Variants in ORC5 observed in about 807,000 individuals in gnomAD.
ORC5 encodes the protein protein phosphatase 1, regulatory subunit 117.
In ORC5, 39 loss-of-function variants were observed where a neutral mutation model predicts 58.8. That is an observed-to-expected ratio of 0.66 (90% CI 0.51 to 0.87). ORC5 has a LOEUF of 0.87. Among genes scored for constraint, ORC5 ranks in the 40% least tolerant of loss-of-function variants. The probability of loss-of-function intolerance (pLI) is 0.00; values close to 1 mark genes in which losing one functional copy is unlikely to be tolerated. For missense variants in ORC5, 493 were observed against 506.3 expected (o/e 0.97, Z 0.25); for synonymous variants, 218 against 177.6 (o/e 1.23, Z -1.81).
chr7:104,173,572 T>C (rs1369629974), intron 8 of ORC5, among the ~76,000 whole-genome samples: 1 of 152,158 alleles, frequency 6.6e-6, no homozygotes, highest in Non-Finnish European at 1.5e-5. Context: ...CTGGTGAGCC[T>C]CCTGCTTTTT....
chr7:104,188,199 C>T, intron 6 of ORC5, 52 bp downstream of exon 6: 3 of 1,162,206 alleles, frequency 2.6e-6, no homozygotes, highest in Admixed American at 1.8e-5. Context: ...TATGTATACA[C>T]ACACACACAC....
rs536796588 is a variant in ORC5 at position 104,157,401 on chromosome 7, T to C, written c.1149+3671A>G. ...TATTAAATTCACCTAAATTCATGTA[T>C]AGCAATACTTTAAATATACAAATTT... is the stretch of plus-strand genomic sequence containing the variant. On this transcript the variant is annotated intron_variant, in intron 12 of 13. Coordinates refer to ENST00000297431, the MANE Select transcript of ORC5 (RefSeq NM_002553.4). 1.7e-3 allele frequency among the ~76,000 whole-genome samples: 266 copies of C among 152,206 alleles called. 1 individual carries two copies. The highest frequency in any genetic ancestry group is 6.0e-3 in the African/African-American group (251 of 41,572).
intron 13 of ORC5, among the ~76,000 whole-genome samples, chr7:104,134,133 A>C (rs554003540): frequency 1.3e-5 from 2 of 152,244 alleles, no homozygotes; most frequent in African/African-American, 4.8e-5. Context: ...TCAAGAATTT[A>C]GGTGGAGGCT....
In ORC5 at chr7:104,129,070, A is replaced by G. The variant is rs148667741; in HGVS notation, c.1263-2177T>C. On this transcript the variant is annotated intron_variant, in intron 13 of 13. Transcript: ENST00000297431. This position sits in a 1 kb window ranked among gnomAD's most constrained non-coding sequence, Gnocchi z 4.9. ...ATATACCAGCAATATTAAGGGAGAA[A>G]GGGAGAAGAAATAATTGCAAGTAAG... Among the ~76,000 whole-genome samples, 2,112 of 152,266 alleles carry G rather than the reference A, an allele frequency of 0.014. 26 individuals carry two copies. The highest frequency in any genetic ancestry group is 0.054 in the Middle Eastern group (16 of 294).
chr7:104,192,929 C>T (rs1276973720), intron 5 of ORC5, among the ~76,000 whole-genome samples: 1 of 146,834 alleles, frequency 6.8e-6, no homozygotes, highest in African/African-American at 2.5e-5. Flanking sequence ...CCAAATAAAA[C>T]ACACACACAC....
At chr7:104,206,294 C>G (rs1022755966) in intron 1 of ORC5, among the ~76,000 whole-genome samples, 12 of 152,202 alleles carry the variant, frequency 7.9e-5, no homozygotes, top group African/African-American at 2.9e-4. Context: ...TTTTATATTT[C>G]TTTGCTATAG....
intron 10 of ORC5, among the ~76,000 whole-genome samples, chr7:104,166,564 C>T (rs908696378): frequency 2.6e-5 from 4 of 152,126 alleles, no homozygotes; most frequent in Non-Finnish European, 5.9e-5. Flanking sequence ...TAAGGTATAC[C>T]TGATATCCTC....
intron 12 of ORC5, among the ~76,000 whole-genome samples, chr7:104,145,806 C>A (rs142649183): frequency 6.6e-6 from 1 of 152,150 alleles, no homozygotes; most frequent in African/African-American, 2.4e-5. Context: ...CACCCAAGAG[C>A]GAAAGGTGAA....
intron 8 of ORC5, among the ~76,000 whole-genome samples, chr7:104,173,896 G>A (rs1043869411): frequency 7.0e-6 from 1 of 142,486 alleles, no homozygotes; most frequent in Non-Finnish European, 1.5e-5. Context: ...CCAGGCTGGA[G>A]TGCAGTGGCG....
intron 8 of ORC5, 115 bp from the exon 9 acceptor site, chr7:104,168,640 G>T: frequency 5.9e-6 from 3 of 507,594 alleles, no homozygotes; most frequent in East Asian, 6.1e-5. Context: ...AAACAGAAAA[G>T]AAAAATATAT....
intron 1 of ORC5, among the ~76,000 whole-genome samples, chr7:104,207,001 G>T (rs1584532420): frequency 1.3e-5 from 2 of 152,160 alleles, no homozygotes; most frequent in East Asian, 3.9e-4. Flanking sequence ...CATTTCTCAG[G>T]ACGTATCCCC....
chr7:104,135,091 A>C (rs903594483), intron 13 of ORC5, among the ~76,000 whole-genome samples: 1 of 152,164 alleles, frequency 6.6e-6, no homozygotes, highest in Non-Finnish European at 1.5e-5. Context: ...ACGTCAAATT[A>C]AGTCAGATTC....
intron 11 of ORC5, among the ~76,000 whole-genome samples, chr7:104,164,510 G>T (rs1057185047): frequency 6.6e-6 from 1 of 152,166 alleles, no homozygotes; most frequent in Non-Finnish European, 1.5e-5. Context: ...GTAGGCTTTG[G>T]AGTCAGGAAG....
intron 12 of ORC5, among the ~76,000 whole-genome samples, chr7:104,150,351 A>G (rs949073428): frequency 2.0e-5 from 3 of 152,172 alleles, no homozygotes; most frequent in African/African-American, 4.8e-5. Context: ...ATTTCAGTGT[A>G]TGAGTTCCAC....
At chr7:104,177,165 T>A (rs1402801932) in intron 8 of ORC5, among the ~76,000 whole-genome samples, 2 of 152,238 alleles carry the variant, frequency 1.3e-5, no homozygotes, top group African/African-American at 4.8e-5. Flanking sequence ...AATCTACTTA[T>A]ACTTGTTAAA....
rs146686726 is a variant in ORC5 at position 104,194,628 on chromosome 7, A to G, written c.553+515T>C. 4.5e-3 allele frequency among the ~76,000 whole-genome samples: 689 copies of G among 152,288 alleles called. 3 individuals carry two copies. Among genetic ancestry groups the G allele is most frequent in the Non-Finnish European group, 8.3e-3 (564 of 67,990 alleles). Reference sequence around the variant, plus strand: ...CAGTAAAGAAAATGAGATTTATAAAATCAAAAGATATAAGCGCAACATGGT... The same window carrying G: ...CAGTAAAGAAAATGAGATTTATAAAGTCAAAAGATATAAGCGCAACATGGT... On this transcript the variant is annotated intron_variant, in intron 5 of 13. Coordinates refer to ENST00000297431, the MANE Select transcript of ORC5 (RefSeq NM_002553.4).
intron 12 of ORC5, among the ~76,000 whole-genome samples, chr7:104,144,906 G>C (rs194861): frequency 0.49 from 74,629 of 151,896 alleles, 18,878 homozygotes; most frequent in East Asian, 0.75. Context: ...CTGACAAAAA[G>C]TCTCTAGACA....
chr7:104,189,891 G>A (rs1799635341), intron 5 of ORC5, among the ~76,000 whole-genome samples: 1 of 152,178 alleles, frequency 6.6e-6, no homozygotes, highest in Non-Finnish European at 1.5e-5. Context: ...GTTTTCTGGA[G>A]TACAGGTAGA....
intron 8 of ORC5, among the ~76,000 whole-genome samples, chr7:104,179,156 C>T (rs1446322331): frequency 6.7e-6 from 1 of 149,044 alleles, no homozygotes; most frequent in Non-Finnish European, 1.5e-5. Context: ...ACCATGTTTC[C>T]CAGGCTGGTC....
Sources: gnomAD v4.1 joint callset for allele counts (sites outside exome capture counted in the v4.1 genomes callset) on GRCh38, gnomAD v4.1.1 for gene constraint, Gnocchi (gnomAD v3.1) non-coding constraint, MANE v1.5 for transcripts, NCBI Gene and HGNC (gene_info 2026-07-23, HGNC 2026-07-21) for gene names.